SPOP: variants seen among roughly 807,000 people sequenced by gnomAD.
SPOP encodes speckle-type POZ protein.
A neutral mutation model predicts 45.6 loss-of-function variants in SPOP; 11 were observed. The observed-to-expected ratio is 0.24, with a 90% CI of 0.15 to 0.40. The LOEUF (loss-of-function observed/expected upper bound fraction) is 0.40, where lower values mean the gene tolerates loss of function less well. SPOP is among the 10% of genes least tolerant of loss of function. The pLI, the probability that SPOP is intolerant of heterozygous loss-of-function variation, is 1.00. For missense variants in SPOP, 152 were observed against 465.6 expected, an observed-to-expected ratio of 0.33 and a Z score of 6.20; for synonymous variants, 166 against 166.3, an observed-to-expected ratio of 1.00 and a Z score of 0.01.
chr17:49,625,091 G>A (rs1022608653), intron 1 of SPOP, among the ~76,000 whole-genome samples: 1 of 152,058 alleles, frequency 6.6e-6, no homozygotes, highest in Non-Finnish European at 1.5e-5. Context: ...CAGAGATTTG[G>A]GATGGGCCCA....
At chr17:49,671,094 C>G (rs1228657817) in intron 1 of SPOP, among the ~76,000 whole-genome samples, 1 of 151,986 alleles carries the variant, frequency 6.6e-6, no homozygotes, top group Non-Finnish European at 1.5e-5. Context: ...ACGGGGTGGT[C>G]AATGCTCTCT....
intron 1 of SPOP, among the ~76,000 whole-genome samples, chr17:49,657,545 C>T (rs918227861): frequency 2.6e-5 from 4 of 151,294 alleles, no homozygotes; most frequent in African/African-American, 4.9e-5. Flanking sequence ...ATTACATGCA[C>T]CCGCCACCAC....
rs1468121822 is a variant in SPOP, at chr17:49,638,775, T to C, written c.-66-15899A>G. On this transcript the variant is annotated intron_variant, in intron 1 of 9. Transcript: ENST00000504102. ...CTAAAACAGGGCAGTCTTAATCAGATACCATAAAATAAATTCACCTGAGGT... is the reference window on the plus strand; with the variant it reads ...CTAAAACAGGGCAGTCTTAATCAGACACCATAAAATAAATTCACCTGAGGT... 1.3e-5 allele frequency among the ~76,000 whole-genome samples: 2 copies of C among 152,124 alleles called. 1 individual carries two copies. Among genetic ancestry groups the C allele is most frequent in the East Asian group, 3.9e-4 (2 of 5,188 alleles).
Position 49,622,099 on chromosome 17 carries a change from AG to A in SPOP, c.79-33del, listed in dbSNP as rs763074312. 1.2e-5 allele frequency: 19 copies of A among 1,609,014 alleles called. No individual in the cohort carries two copies. In the South Asian group the frequency reaches 2.0e-4, roughly 17 times the overall value. On this transcript the variant is annotated intron_variant, in intron 2 of 9. Transcript: ENST00000504102. ...ATAGAAAAACAGGAAGCAATTAAAT[AG>A]GAAGTGGACAACCTGAAAAAACAGG...
chr17:49,613,623 C>A (rs1432169884), intron 5 of SPOP, among the ~76,000 whole-genome samples: 2 of 152,196 alleles, frequency 1.3e-5, no homozygotes, highest in Non-Finnish European at 2.9e-5. Flanking sequence ...CAGACAGGAA[C>A]ACAGCAGAAA....
At chr17:49,660,657 C>T (rs925813300) in intron 1 of SPOP, among the ~76,000 whole-genome samples, 5 of 152,186 alleles carry the variant, frequency 3.3e-5, no homozygotes, top group Non-Finnish European at 5.9e-5. Flanking sequence ...TTAATCTCCC[C>T]ATTATTTTCC....
At position 49,632,457 on chromosome 17, in the gene SPOP, C is replaced by T. The variant is rs1268784530; in HGVS notation, c.-66-9581G>A. ...TACCATTACAGCAGCTGTCAGGAAC[C>T]CAAGCTAAACTCTTAAGTTATTTCA... is the stretch of plus-strand genomic sequence containing the variant. On this transcript the variant is annotated intron_variant, in intron 1 of 9. Transcript: ENST00000504102. Among the ~76,000 whole-genome samples, 8 of 151,922 alleles carry T rather than the reference C, an allele frequency of 5.3e-5. No individual in the cohort carries two copies. The East Asian group carries it at 1.5e-3, about 29-fold the overall frequency.
At chr17:49,671,007 A>C (rs2073128877) in intron 1 of SPOP, among the ~76,000 whole-genome samples, 3 of 152,158 alleles carry the variant, frequency 2.0e-5, no homozygotes, top group Admixed American at 1.3e-4. Context: ...AGAAACACAC[A>C]ATTTCAACTT....
chr17:49,621,847 T>C, intron 3 of SPOP, 99 bp downstream of exon 3: 1 of 1,353,300 alleles, frequency 7.4e-7, no homozygotes, highest in East Asian at 2.4e-5. Flanking sequence ...ACAAAAGTCC[T>C]GGCCTTCATG....
At chr17:49,621,524 A>C (rs1288123970) in intron 3 of SPOP, among the ~76,000 whole-genome samples, 1 of 152,196 alleles carries the variant, frequency 6.6e-6, no homozygotes, top group Non-Finnish European at 1.5e-5. Context: ...TAAAATCTAG[A>C]TTTCTTGCTT....
At chr17:49,633,841 C>T (rs73331452) in intron 1 of SPOP, among the ~76,000 whole-genome samples, 4,007 of 152,028 alleles carry the variant, frequency 0.026, 181 homozygotes, top group African/African-American at 0.091. Context: ...TAAACACATC[C>T]ACATAACAAC....
In SPOP at chr17:49,599,276, C is replaced by G. The variant is rs1481239034; in HGVS notation, c.*1102G>C. On this transcript the variant is annotated 3_prime_UTR_variant, in exon 10 of 10. Coordinates refer to ENST00000504102, the MANE Select transcript of SPOP (RefSeq NM_001007228.2). The stretch of plus-strand genomic sequence containing the variant: ...TGAGTGAAACAAAAGACCAGAGATA[C>G]CACACAGTACAAAATAGTAATTATT... The G allele has an allele frequency of 4.5e-6, 1 of 220,290 alleles. No homozygotes were observed. Among genetic ancestry groups the G allele is most frequent in the Non-Finnish European group, 9.1e-6 (1 of 109,976 alleles). 13.6% of individuals were successfully genotyped at this position (220,290 alleles called of 1,614,324 possible).
intron 1 of SPOP, among the ~76,000 whole-genome samples, chr17:49,673,874 T>C (rs2073167795): frequency 6.6e-6 from 1 of 152,042 alleles, no homozygotes; most frequent in South Asian, 2.1e-4. Context: ...GGGCCGGGCG[T>C]GGTGGCTCAG....
At chr17:49,623,568 T>TA (rs776627639) in intron 1 of SPOP, among the ~76,000 whole-genome samples, 8 of 152,208 alleles carry the variant, frequency 5.3e-5, no homozygotes, top group Non-Finnish European at 8.8e-5. Context: ...ATGACCTTGT[T>TA]ACCCTCTCTA....
chr17:49,626,685 G>GA (rs2072337812), intron 1 of SPOP, among the ~76,000 whole-genome samples: 1 of 149,428 alleles, frequency 6.7e-6, no homozygotes. Context: ...GGGAGACAGA[G>GA]GAAAAAAAAA....
At position 49,671,196 on chromosome 17, in the gene SPOP, G is replaced by A. The variant is rs556998365; in HGVS notation, c.-67+6737C>T. On this transcript the variant is annotated intron_variant, in intron 1 of 9. Transcript: ENST00000504102. ...CCAGCAATGCCAGTGACACAGAAGCGAGTCAAACACTAGGTACATCAAGTT... is the reference window on the plus strand; with the variant it reads ...CCAGCAATGCCAGTGACACAGAAGCAAGTCAAACACTAGGTACATCAAGTT... Among the ~76,000 whole-genome samples, 5 of 152,146 alleles carry A rather than the reference G, an allele frequency of 3.3e-5. No individual in the cohort carries two copies. In the East Asian group the frequency reaches 5.8e-4, roughly 18 times the overall value.
chr17:49,665,692 A>ACACACACACACACACAC (rs1488970526), intron 1 of SPOP, among the ~76,000 whole-genome samples: 3 of 141,838 alleles, frequency 2.1e-5, no homozygotes, highest in African/African-American at 5.4e-5. Context: ...ACACACACAC[A>ACACACACACACACACAC]CACCAATCTG....
At chr17:49,630,645 T>C (rs2072434675) in intron 1 of SPOP, among the ~76,000 whole-genome samples, 2 of 152,042 alleles carry the variant, frequency 1.3e-5, no homozygotes, top group South Asian at 4.1e-4. Context: ...ATAGACAGAG[T>C]CTTGCTATGT....
chr17:49,627,315 G>A (rs1332327313), intron 1 of SPOP, among the ~76,000 whole-genome samples: 1 of 152,166 alleles, frequency 6.6e-6, no homozygotes, highest in Admixed American at 6.5e-5. Flanking sequence ...TGCTACTGTG[G>A]TCACCTCCAA....
Sources: allele counts gnomAD v4.1 joint callset (sites outside exome capture counted in the v4.1 genomes callset), GRCh38; gene constraint gnomAD v4.1.1; transcripts MANE v1.5; gene names NCBI Gene and HGNC (gene_info 2026-07-23, HGNC 2026-07-21).